AOPEP: variants seen among roughly 807,000 people sequenced by gnomAD.
AOPEP encodes aminopeptidase O.
Under a neutral mutation model 98.1 loss-of-function variants are expected in AOPEP, and 77 were observed. That is an observed-to-expected ratio of 0.78 (90% CI 0.65 to 0.95). The LOEUF (loss-of-function observed/expected upper bound fraction) is 0.95. Ranked by LOEUF, AOPEP falls within the 40% of genes least tolerant of loss-of-function variation. The pLI is 0.00. For synonymous variants in AOPEP, 346 were observed against 365.3 expected (o/e 0.95, Z 0.60); for missense variants, 1,024 against 1,024.7 (o/e 1.00, Z 0.01).
rs113790025 is a variant in AOPEP at position 94,925,796 on chromosome 9, G to A, written c.1554+1621G>A. 5.0e-3 allele frequency among the ~76,000 whole-genome samples: 762 copies of A among 152,300 alleles called. 8 individuals are homozygous for A. Among genetic ancestry groups the A allele is most frequent in the African/African-American group, 0.018 (728 of 41,560 alleles). ...ACTTCCAGTCCTGGCTCTGCCATTC[G>A]TTGGCTCTGTGAGTATAGGTAGGTT... is the stretch of plus-strand genomic sequence containing the variant. On this transcript the variant is annotated intron_variant, in intron 6 of 16. Transcript: ENST00000375315.
At chr9:95,133,505 T>C in the AOPEP span, among the ~76,000 whole-genome samples, 2 of 152,198 alleles carry the variant, frequency 1.3e-5, no homozygotes, top group African/African-American at 4.8e-5. Flanking sequence ...GACTGAGCAT[T>C]ATACAGTTAT....
chr9:95,068,078 ACAT>A (rs2068097254), intron 14 of AOPEP, among the ~76,000 whole-genome samples: 1 of 152,214 alleles, frequency 6.6e-6, no homozygotes, highest in Admixed American at 6.5e-5. Flanking sequence ...GTTGATCCAC[ACAT>A]CAGCTGATGG....
intron 5 of AOPEP, among the ~76,000 whole-genome samples, chr9:94,868,782 C>G (rs1160909598): frequency 6.6e-6 from 1 of 152,206 alleles, no homozygotes; most frequent in Non-Finnish European, 1.5e-5. Context: ...CCTCTCCCAG[C>G]AACCACTATA....
At chr9:95,070,946 T>C (rs568841001) in intron 14 of AOPEP, among the ~76,000 whole-genome samples, 1 of 152,348 alleles carries the variant, frequency 6.6e-6, no homozygotes, top group Non-Finnish European at 1.5e-5. Context: ...GGCTCCAGCA[T>C]AGCTTTCTTG....
At chr9:94,988,912 C>CTT (rs368515133) in intron 11 of AOPEP, among the ~76,000 whole-genome samples, 5,011 of 138,800 alleles carry the variant, frequency 0.036, 195 homozygotes, top group East Asian at 0.11. Flanking sequence ...CTTTTCCTTT[C>CTT]TTTTTTTTTT....
intron 5 of AOPEP, among the ~76,000 whole-genome samples, chr9:94,809,558 G>A (rs1296154530): frequency 2.6e-5 from 4 of 152,196 alleles, no homozygotes; most frequent in Non-Finnish European, 5.9e-5. Context: ...ACCTGCATGC[G>A]TCAGGCCCTG....
intron 1 of AOPEP, among the ~76,000 whole-genome samples, chr9:94,731,321 G>A (rs1415546726): frequency 6.6e-6 from 1 of 151,282 alleles, no homozygotes; most frequent in Admixed American, 6.6e-5. Context: ...TCTGCCTCCC[G>A]GGTTCACGCC....
downstream of AOPEP, among the ~76,000 whole-genome samples, chr9:95,090,257 G>A (rs2070847900): frequency 6.6e-6 from 1 of 152,260 alleles, no homozygotes; most frequent in Non-Finnish European, 1.5e-5. Context: ...GGGAGAGGCA[G>A]CAAGTTAATG....
At chr9:95,086,656 C>A (rs939269041) in intron 16 of AOPEP, 26 bp from the exon 17 acceptor site, 33 of 988,150 alleles carry the variant, frequency 3.3e-5, no homozygotes, top group Non-Finnish European at 3.6e-5. Context: ...ACTGGGTAAT[C>A]AATGTTACTG....
At chr9:94,777,983 GAGCAA>G (rs1206855645) in intron 3 of AOPEP, among the ~76,000 whole-genome samples, 1 of 152,102 alleles carries the variant, frequency 6.6e-6, no homozygotes, top group African/African-American at 2.4e-5. Flanking sequence ...GAAAGAAAAT[GAGCAA>G]ATGACATGAA....
intron 7 of AOPEP, among the ~76,000 whole-genome samples, chr9:94,954,645 GT>G (rs773344121): frequency 6.6e-6 from 1 of 152,150 alleles, no homozygotes; most frequent in African/African-American, 2.4e-5. Flanking sequence ...GTTGAAGTAT[GT>G]GATTCTTGAT....
intron 14 of AOPEP, among the ~76,000 whole-genome samples, chr9:95,074,463 A>G (rs1375237809): frequency 6.6e-6 from 1 of 152,308 alleles, no homozygotes; most frequent in East Asian, 1.9e-4. Flanking sequence ...CCCTGTATTC[A>G]TGGAGGCTTT....
the AOPEP span, among the ~76,000 whole-genome samples, chr9:95,137,587 A>G: frequency 6.6e-6 from 1 of 152,294 alleles, no homozygotes; most frequent in East Asian, 1.9e-4. Context: ...TGATTTCTGG[A>G]GGATTTACTA....
chr9:95,119,014 C>G, the AOPEP span, among the ~76,000 whole-genome samples: 2 of 152,172 alleles, frequency 1.3e-5, no homozygotes, highest in Non-Finnish European at 2.9e-5. Context: ...TACCATCTTA[C>G]GCCCACCAGC....
At position 94,817,067 on chromosome 9, in the gene AOPEP, C is replaced by G. The variant is rs1012380055; in HGVS notation, c.1364+16065C>G. ...CAAGGCTGAAGTGCAGTGGCACGAT[C>G]ATGGCTCGCTGCAGCCTCATCCTCC... is the stretch of plus-strand genomic sequence containing the variant. On this transcript the variant is annotated intron_variant, in intron 5 of 16. Coordinates refer to ENST00000375315, the MANE Select transcript of AOPEP (RefSeq NM_001193329.3). Among the ~76,000 whole-genome samples the G allele has an allele frequency of 2.0e-5, 3 of 152,194 alleles. No homozygotes were observed. The East Asian group carries it at 5.8e-4, about 29-fold the overall frequency.
At chr9:94,746,070 G>A (rs1834420293) in intron 1 of AOPEP, among the ~76,000 whole-genome samples, 1 of 152,184 alleles carries the variant, frequency 6.6e-6, no homozygotes, top group Non-Finnish European at 1.5e-5. Context: ...TCGAGTGTTA[G>A]AATGAGACAA....
chr9:94,875,234 A>G (rs961927579), intron 5 of AOPEP, among the ~76,000 whole-genome samples: 1 of 151,604 alleles, frequency 6.6e-6, no homozygotes, highest in African/African-American at 2.4e-5. Context: ...TTTCACCCAC[A>G]TGATTTTTAA....
intron 11 of AOPEP, among the ~76,000 whole-genome samples, chr9:94,992,760 G>A (rs917829463): frequency 3.3e-5 from 5 of 152,198 alleles, no homozygotes; most frequent in African/African-American, 7.2e-5. Context: ...GTCCGGTGCC[G>A]TGCTGAGGCC....
chr9:95,086,936 ATT>A lies in AOPEP; in HGVS notation c.*262_*263del, dbSNP rs973693346. 4 of 987,554 alleles carry A rather than the reference ATT, an allele frequency of 4.1e-6. No homozygotes were observed. The African/African-American group carries it at 5.2e-5, about 13-fold the overall frequency. 61.2% of individuals were successfully genotyped at this position (987,554 alleles called of 1,614,324 possible). On this transcript the variant is annotated 3_prime_UTR_variant, in exon 17 of 17. Transcript: ENST00000375315. ...GGATCTGGAGTGGAGCTGCTCTGAG[ATT>A]TTGAGTTCTTCTGCAGAGATGATTA...
Sources: allele counts gnomAD v4.1 joint callset (sites outside exome capture counted in the v4.1 genomes callset), GRCh38; gene constraint gnomAD v4.1.1; transcripts MANE v1.5; gene names NCBI Gene and HGNC (gene_info 2026-07-23, HGNC 2026-07-21).